Variants in HSD17B12 observed in about 807,000 individuals in gnomAD.
HSD17B12 encodes the protein very-long-chain 3-oxoacyl-CoA reductase.
Under a neutral mutation model 39.3 loss-of-function variants are expected in HSD17B12, and 32 were observed. The observed-to-expected ratio is 0.81, with a 90% CI of 0.61 to 1.09. The LOEUF is 1.09. Among genes scored for constraint, HSD17B12 ranks in the 50% least tolerant of loss-of-function variants. HSD17B12 has a pLI of 0.00. For missense variants in HSD17B12, 342 were observed against 382.9 expected (o/e 0.89, Z 0.89); for synonymous variants, 150 against 146.7 (o/e 1.02, Z -0.16).
At chr11:43,833,333 TC>T (rs1278075414) in intron 7 of HSD17B12, 1 of 152,106 alleles carries the variant, frequency 6.6e-6, no homozygotes, top group East Asian at 1.9e-4. Context: ...GGTTTACTTT[TC>T]CCTCCCCTCT....
At chr11:43,742,125 ATATATATATATATATTT>A (rs1264454512) in intron 1 of HSD17B12, among the ~76,000 whole-genome samples, 2 of 111,370 alleles carry the variant, frequency 1.8e-5, no homozygotes, top group African/African-American at 6.6e-5. Context: ...ATATATATAT[ATATATATATATATATTT>A]TTTTTTTTAA....
rs918542957 is a variant in HSD17B12, at chr11:43,831,345, C to T, written c.536+335C>T. ...CCTGGGATATTCCCGGGAATACCTTCTTAAAGCTGTATTCTCTCAAAGCCA... is the reference window on the plus strand; with the variant it reads ...CCTGGGATATTCCCGGGAATACCTTTTTAAAGCTGTATTCTCTCAAAGCCA... On this transcript the variant is annotated intron_variant, in intron 7 of 10. Transcript: ENST00000278353. This position sits in a 1 kb window ranked among gnomAD's most constrained non-coding sequence, Gnocchi z 4.1. The T allele has an allele frequency of 5.9e-6, 1 of 170,164 alleles. No individual in the cohort carries two copies. The highest frequency in any genetic ancestry group is 2.4e-5 in the African/African-American group (1 of 42,160). The allele number at this position is 170,164 out of a possible 1,614,324, so 10.5% of individuals were successfully genotyped here.
At chr11:43,821,602 C>T (rs1951183462) in intron 6 of HSD17B12, among the ~76,000 whole-genome samples, 1 of 152,264 alleles carries the variant, frequency 6.6e-6, no homozygotes, top group South Asian at 2.1e-4. Flanking sequence ...GAGGGATTTC[C>T]ATCCCAGAAT....
chr11:43,835,408 T>C (rs1951359826), intron 7 of HSD17B12, among the ~76,000 whole-genome samples: 2 of 152,110 alleles, frequency 1.3e-5, no homozygotes, highest in African/African-American at 4.8e-5. Context: ...CTGTATACAG[T>C]ACAAAGATTG....
intron 1 of HSD17B12, among the ~76,000 whole-genome samples, chr11:43,714,685 A>G (rs2134845983): frequency 6.6e-6 from 1 of 152,214 alleles, no homozygotes; most frequent in Middle Eastern, 3.4e-3. Context: ...CTTGATGGGG[A>G]TGGCATTGAA....
At chr11:43,698,055 T>C (rs1348502591) in intron 1 of HSD17B12, among the ~76,000 whole-genome samples, 1 of 151,950 alleles carries the variant, frequency 6.6e-6, no homozygotes, top group African/African-American at 2.4e-5. Context: ...CATTGGGTGG[T>C]GGTGGCTTGG....
intron 3 of HSD17B12, among the ~76,000 whole-genome samples, chr11:43,760,385 A>G (rs2134963876): frequency 6.6e-6 from 1 of 152,186 alleles, no homozygotes; most frequent in Non-Finnish European, 1.5e-5. Flanking sequence ...CAGTTTAATA[A>G]ACTTTGATTT....
chr11:43,587,326 A>AC, the HSD17B12 span, among the ~76,000 whole-genome samples: 59,063 of 151,526 alleles, frequency 0.39, 12,795 homozygotes, highest in East Asian at 0.7. Flanking sequence ...GAAAAAAAAA[A>AC]CCAGGCATTT....
chr11:43,818,194 G>C (rs1267915020), intron 6 of HSD17B12, among the ~76,000 whole-genome samples: 3 of 152,078 alleles, frequency 2.0e-5, no homozygotes, highest in African/African-American at 7.2e-5. Context: ...TCTTCCCCAT[G>C]ATTCTTTTCA....
At chr11:43,667,320 T>G in the HSD17B12 span, among the ~76,000 whole-genome samples, 2 of 152,040 alleles carry the variant, frequency 1.3e-5, no homozygotes, top group Non-Finnish European at 2.9e-5. Flanking sequence ...GCTGGCTAAT[T>G]TTTGTATTTT....
intron 3 of HSD17B12, among the ~76,000 whole-genome samples, chr11:43,788,999 G>A (rs948263757): frequency 6.6e-5 from 10 of 152,158 alleles, no homozygotes; most frequent in Admixed American, 2.0e-4. Context: ...ACCTCCACCA[G>A]CTGTCTTCTA....
chr11:43,750,905 TCCCA>T lies in HSD17B12; in HGVS notation c.161-5_161-2del. 1 of 1,598,222 alleles carries T rather than the reference TCCCA, an allele frequency of 6.3e-7. No homozygotes were observed. Among genetic ancestry groups the T allele is most frequent in the Admixed American group, 1.7e-5 (1 of 58,586 alleles). On this transcript the variant is annotated splice_acceptor_variant and splice_polypyrimidine_tract_variant and intron_variant, in intron 1 of 10. Transcript: ENST00000278353. LOFTEE classifies it high-confidence loss of function. Reference sequence around the variant, plus strand: ...GACTAAACTATTGCTTTTTTCCCTTTCCCAGTTGTCACAGGTAGTACTGATGGAA... The same window carrying T: ...GACTAAACTATTGCTTTTTTCCCTTTGTTGTCACAGGTAGTACTGATGGAA...
chr11:43,856,339 A>G lies in HSD17B12; in HGVS notation c.*1091A>G, dbSNP rs1203148829. On this transcript the variant is annotated 3_prime_UTR_variant, in exon 11 of 11. Transcript: ENST00000278353. ...TCAATACTGTGAAATATGCAGCAAG[A>G]AGATTGGTCTTTACCTAGGCTGTGT... 6.6e-6 allele frequency: 1 copy of G among 152,186 alleles called. No individual in the cohort carries two copies. Among genetic ancestry groups the G allele is most frequent in the Admixed American group, 6.5e-5 (1 of 15,286 alleles). 9.4% of individuals were successfully genotyped at this position (152,186 alleles called of 1,614,324 possible).
intron 1 of HSD17B12, among the ~76,000 whole-genome samples, chr11:43,711,474 GTT>G (rs199831295): frequency 6.9e-5 from 9 of 129,582 alleles, no homozygotes; most frequent in Admixed American, 1.6e-4. Flanking sequence ...TGGTTGGTTG[GTT>G]TTTTTTTTTT....
At chr11:43,701,993 C>G (rs1379640745) in intron 1 of HSD17B12, among the ~76,000 whole-genome samples, 1 of 152,030 alleles carries the variant, frequency 6.6e-6, no homozygotes, top group Non-Finnish European at 1.5e-5. Flanking sequence ...TTGGTGTCCT[C>G]TTTAATTTCT....
chr11:43,631,945 A>G, the HSD17B12 span, among the ~76,000 whole-genome samples: 7 of 151,946 alleles, frequency 4.6e-5, no homozygotes, highest in Non-Finnish European at 1.0e-4. Context: ...ACAGGCCCAC[A>G]CCTGGGTTGG....
At chr11:43,582,895 A>G in the HSD17B12 span, among the ~76,000 whole-genome samples, 3 of 152,186 alleles carry the variant, frequency 2.0e-5, no homozygotes, top group African/African-American at 4.8e-5. Flanking sequence ...TAAAAGAGTA[A>G]AAAGGTTCCT....
chr11:43,631,380 A>T, the HSD17B12 span, among the ~76,000 whole-genome samples: 1 of 152,208 alleles, frequency 6.6e-6, no homozygotes, highest in Non-Finnish European at 1.5e-5. Flanking sequence ...AAATTCCTAA[A>T]GGCATCTTCC....
chr11:43,676,287 A>G (rs550917570), upstream of HSD17B12, among the ~76,000 whole-genome samples: 3 of 151,482 alleles, frequency 2.0e-5, no homozygotes. Flanking sequence ...TGAAATGTTT[A>G]TTTTATATCT....
Sources: allele counts gnomAD v4.1 joint callset (sites outside exome capture counted in the v4.1 genomes callset), GRCh38; gene constraint gnomAD v4.1.1; non-coding constraint Gnocchi (gnomAD v3.1); transcripts MANE v1.5; gene names NCBI Gene and HGNC (gene_info 2026-07-23, HGNC 2026-07-21).